IL17RD: variants seen among roughly 807,000 people sequenced by gnomAD.
IL17RD encodes the protein interleukin-17 receptor D.
Under a neutral mutation model 80.5 loss-of-function variants are expected in IL17RD, and 52 were observed. The ratio of observed to expected loss-of-function variants is 0.65; its 90% CI spans 0.52 to 0.81. IL17RD has a LOEUF of 0.81. IL17RD is among the 40% of genes least tolerant of loss of function. IL17RD has a pLI of 0.00. For missense variants in IL17RD, 1,024 were observed against 955.1 expected (o/e 1.07, Z -0.95); for synonymous variants, 416 against 391.8 (o/e 1.06, Z -0.73).
chr3:57,121,938 C>G (rs1001133242), intron 1 of IL17RD, among the ~76,000 whole-genome samples: 1 of 152,156 alleles, frequency 6.6e-6, no homozygotes, highest in African/African-American at 2.4e-5. Flanking sequence ...GCTATGCTGG[C>G]AAACAAAACA....
chr3:57,116,496 G>T (rs1453777551), intron 2 of IL17RD, among the ~76,000 whole-genome samples: 3 of 151,804 alleles, frequency 2.0e-5, no homozygotes, highest in South Asian at 4.1e-4. Context: ...TGTTGGTCAG[G>T]CTGGTCTCGA....
intron 1 of IL17RD, 140 bp downstream of exon 1, chr3:57,165,021 G>A: frequency 1.5e-6 from 2 of 1,343,464 alleles, no homozygotes; most frequent in South Asian, 1.8e-5. Flanking sequence ...GAGGATGCGC[G>A]GGAGGAGTGA....
At chr3:57,146,059 ACT>A (rs1007888361) in intron 1 of IL17RD, among the ~76,000 whole-genome samples, 24 of 151,962 alleles carry the variant, frequency 1.6e-4, no homozygotes, top group Non-Finnish European at 2.6e-4. Flanking sequence ...ACACACACAC[ACT>A]GATGCATGCA....
At chr3:57,133,894 G>T (rs1024513355) in intron 1 of IL17RD, among the ~76,000 whole-genome samples, 1 of 152,162 alleles carries the variant, frequency 6.6e-6, no homozygotes, top group Non-Finnish European at 1.5e-5. Flanking sequence ...AGAAATCAAT[G>T]TATCTTGCCA....
intron 1 of IL17RD, among the ~76,000 whole-genome samples, chr3:57,138,969 A>T (rs950955616): frequency 6.7e-6 from 1 of 149,478 alleles, no homozygotes; most frequent in Non-Finnish European, 1.5e-5. Flanking sequence ...AAAAGAGAAC[A>T]CTGGGGAAAG....
At chr3:57,114,874 G>A in intron 2 of IL17RD, 57 bp from the exon 3 acceptor site, 1 of 1,402,704 alleles carries the variant, frequency 7.1e-7, no homozygotes. Flanking sequence ...TTATTTTCAG[G>A]TTCATCTTAT....
intron 11 of IL17RD, 41 bp from the exon 12 acceptor site, chr3:57,098,579 G>A (rs750339954): frequency 4.4e-6 from 6 of 1,370,892 alleles, no homozygotes; most frequent in South Asian, 2.7e-5. Flanking sequence ...CAGAAGGCTC[G>A]GGAAGAGGCT....
chr3:57,153,269 A>C (rs2060242231), intron 1 of IL17RD, among the ~76,000 whole-genome samples: 1 of 152,246 alleles, frequency 6.6e-6, no homozygotes, highest in African/African-American at 2.4e-5. Flanking sequence ...TTTCACACAG[A>C]AAAAACAAAT....
chr3:57,164,829 G>T, intron 1 of IL17RD: 8 of 970,780 alleles, frequency 8.2e-6, no homozygotes, highest in Non-Finnish European at 1.0e-5. Flanking sequence ...CTGGGACGAA[G>T]GAGGTCCCGG....
Position 57,165,273 on chromosome 3 carries a change from A to T in IL17RD, c.14T>A (p.Leu5Gln). 4.0e-6 allele frequency: 6 copies of T among 1,508,984 alleles called. No homozygotes were observed. The highest frequency in any genetic ancestry group is 5.3e-6 in the Non-Finnish European group (6 of 1,129,090). 93.5% of individuals were successfully genotyped at this position (1,508,984 alleles called of 1,614,324 possible). The change falls in exon 1 of 13, where the codon CTG becomes CAG. Residue 5 changes from leucine to glutamine, a missense_variant. Leu to Gln is a moderately radical substitution (Grantham distance 113). Transcript: ENST00000296318. MAPW[L>Q]QLCSVFFTVN... ...CGTAAAGAAGACGGAGCAGAGCTGC[A>T]GCCACGGGGCCATGGCCGTGCGCTC...
intron 1 of IL17RD, among the ~76,000 whole-genome samples, chr3:57,130,209 C>T (rs1707576084): frequency 6.6e-6 from 1 of 152,204 alleles, no homozygotes; most frequent in African/African-American, 2.4e-5. Flanking sequence ...GTTCCCAGAG[C>T]TCATGAAGGC....
At chr3:57,151,972 C>A (rs2060228095) in intron 1 of IL17RD, among the ~76,000 whole-genome samples, 1 of 152,190 alleles carries the variant, frequency 6.6e-6, no homozygotes, top group African/African-American at 2.4e-5. Context: ...TTTGCTTCAT[C>A]CGAAGGAAAT....
intron 4 of IL17RD, among the ~76,000 whole-genome samples, 179 bp from the exon 5 acceptor site, chr3:57,109,836 A>T (rs1341706970): frequency 6.6e-6 from 1 of 152,214 alleles, no homozygotes; most frequent in Non-Finnish European, 1.5e-5. Context: ...TGGATCGCTT[A>T]ACCATGAAGA....
At chr3:57,121,800 C>A (rs1335974139) in intron 1 of IL17RD, among the ~76,000 whole-genome samples, 2 of 152,124 alleles carry the variant, frequency 1.3e-5, no homozygotes, top group South Asian at 4.1e-4. Flanking sequence ...AGGTAGGAGA[C>A]CAGGAACGAG....
upstream of IL17RD, among the ~76,000 whole-genome samples, chr3:57,169,878 T>C (rs769506370): frequency 6.6e-6 from 1 of 152,134 alleles, no homozygotes; most frequent in Non-Finnish European, 1.5e-5. Flanking sequence ...TCAGGCTACC[T>C]GGCAGTCTTG....
At position 57,102,606 on chromosome 3, in the gene IL17RD, G is replaced by A; in HGVS notation, c.869-17C>T. Reference sequence around the variant, plus strand: ...GGGAGTGCACTGGGAAATTTCAAAGGGAAAGTTTTTAAACTTAAGCAGTGT... The same window carrying A: ...GGGAGTGCACTGGGAAATTTCAAAGAGAAAGTTTTTAAACTTAAGCAGTGT... On this transcript the variant is annotated splice_polypyrimidine_tract_variant and intron_variant, in intron 9 of 12. Coordinates refer to ENST00000296318, the MANE Select transcript of IL17RD (RefSeq NM_017563.5). The A allele has an allele frequency of 7.3e-7, 1 of 1,375,116 alleles. No individual in the cohort carries two copies. Among genetic ancestry groups the A allele is most frequent in the Non-Finnish European group, 1.0e-6 (1 of 990,974 alleles). The allele number at this position is 1,375,116 out of a possible 1,614,324, so 85.2% of individuals were successfully genotyped here.
chr3:57,151,780 T>C (rs1430406204), intron 1 of IL17RD, among the ~76,000 whole-genome samples: 3 of 152,042 alleles, frequency 2.0e-5, no homozygotes, highest in Non-Finnish European at 4.4e-5. Context: ...TCTCCAGAAA[T>C]TCCCCAAATC....
At chr3:57,118,612 G>A (rs1707267539) in intron 2 of IL17RD, among the ~76,000 whole-genome samples, 1 of 152,128 alleles carries the variant, frequency 6.6e-6, no homozygotes, top group Admixed American at 6.5e-5. Flanking sequence ...AATGAAAGGA[G>A]CTGCTTAGAA....
At chr3:57,143,355 A>T (rs185263332) in intron 1 of IL17RD, among the ~76,000 whole-genome samples, 3 of 152,158 alleles carry the variant, frequency 2.0e-5, no homozygotes, top group African/African-American at 7.2e-5. Flanking sequence ...CAATCTCAAC[A>T]AAGGCTACGA....
Sources: allele counts gnomAD v4.1 joint callset (sites outside exome capture counted in the v4.1 genomes callset), GRCh38; gene constraint gnomAD v4.1.1; transcripts MANE v1.5; gene names NCBI Gene and HGNC (gene_info 2026-07-23, HGNC 2026-07-21).